The following CTDP1 variants were observed in gnomAD, a reference collection of about 807,000 sequenced individuals.
CTDP1 encodes the protein CTD phosphatase 1, also known as RNA polymerase II subunit A C-terminal domain phosphatase.
CTDP1 carries 47 observed loss-of-function variants against 91.8 expected under a neutral mutation model. The observed-to-expected ratio is 0.51, with a 90% confidence interval of 0.41 to 0.65. The LOEUF is 0.65. CTDP1 is among the 30% of genes least tolerant of loss of function. The probability of loss-of-function intolerance (pLI) is 0.00; values close to 1 mark genes in which losing one functional copy is unlikely to be tolerated. For missense variants in CTDP1, 1,272 were observed against 1,373.7 expected (o/e 0.93, Z 1.17); for synonymous variants, 656 against 598.5 (o/e 1.10, Z -1.40).
At chr18:79,685,168 A>C (rs995258897) in intron 1 of CTDP1, among the ~76,000 whole-genome samples, 3 of 152,244 alleles carry the variant, frequency 2.0e-5, no homozygotes, top group African/African-American at 7.2e-5. Context: ...TCTGTAGACC[A>C]GGTTTCAGCC....
chr18:79,710,458 T>A, intron 6 of CTDP1, 22 bp downstream of exon 6: 2 of 1,514,484 alleles, frequency 1.3e-6, no homozygotes, highest in Non-Finnish European at 1.8e-6. Context: ...GCCGCGCTCC[T>A]CACAAAGACC....
chr18:79,723,928 A>G (rs1031622640), intron 10 of CTDP1, among the ~76,000 whole-genome samples: 2 of 152,076 alleles, frequency 1.3e-5, no homozygotes, highest in Admixed American at 1.3e-4. Flanking sequence ...CCCCTCATTC[A>G]TGTCCTTCTC....
At chr18:79,737,522 CT>C (rs1230491968) in intron 12 of CTDP1, among the ~76,000 whole-genome samples, 2 of 152,174 alleles carry the variant, frequency 1.3e-5, no homozygotes, top group African/African-American at 4.8e-5. Flanking sequence ...CTCTGGATCT[CT>C]GTGCTGCTGT....
intron 6 of CTDP1, among the ~76,000 whole-genome samples, chr18:79,711,166 C>T (rs1435210116): frequency 6.6e-6 from 1 of 152,060 alleles, no homozygotes; most frequent in African/African-American, 2.4e-5. Flanking sequence ...CTGTCATCCT[C>T]TCTGCCTCAT....
At position 79,679,939 on chromosome 18, in the gene CTDP1, C is replaced by T. The variant is rs912139200; in HGVS notation, c.-9C>T. On this transcript the variant is annotated 5_prime_UTR_variant, in exon 1 of 13. Transcript: ENST00000613122. ...CCCGTACCGACCGCCCGCCCGCCCT[C>T]TGTCCGCGATGGAGGTGCCGGCCGC... The T allele has an allele frequency of 1.1e-4, 152 of 1,386,506 alleles. No individual in the cohort carries two copies. The highest frequency in any genetic ancestry group is 1.4e-4 in the Non-Finnish European group (145 of 1,066,060). The allele number at this position is 1,386,506 out of a possible 1,614,324, so 85.9% of individuals were successfully genotyped here.
intron 12 of CTDP1, among the ~76,000 whole-genome samples, 164 bp from the exon 13 acceptor site, chr18:79,753,486 CGT>C (rs1322631041): frequency 6.6e-6 from 1 of 152,252 alleles, no homozygotes; most frequent in Non-Finnish European, 1.5e-5. Flanking sequence ...GCTGTCCACA[CGT>C]GTGTGACGTG....
At chr18:79,731,463 G>A (rs1000692403) in intron 11 of CTDP1, among the ~76,000 whole-genome samples, 4 of 152,168 alleles carry the variant, frequency 2.6e-5, no homozygotes, top group Non-Finnish European at 5.9e-5. Flanking sequence ...GGGAACTCGC[G>A]CCTGGTCAGT....
At chr18:79,747,909 C>T (rs1018868045) in intron 12 of CTDP1, among the ~76,000 whole-genome samples, 2 of 152,202 alleles carry the variant, frequency 1.3e-5, no homozygotes, top group Non-Finnish European at 2.9e-5. Flanking sequence ...GATATCTTTC[C>T]GGTGCCAAAT....
At chr18:79,746,828 C>T (rs1488027180) in intron 12 of CTDP1, among the ~76,000 whole-genome samples, 3 of 152,098 alleles carry the variant, frequency 2.0e-5, no homozygotes, top group Non-Finnish European at 2.9e-5. Context: ...CCTTTGTTGC[C>T]CATTGAGACC....
At chr18:79,745,419 C>G (rs1460266199) in intron 12 of CTDP1, among the ~76,000 whole-genome samples, 1 of 6,752 alleles carries the variant, frequency 1.5e-4, no homozygotes, top group Admixed American at 1.3e-3. Context: ...CTCCCGTGCG[C>G]GTTCTGTCCC....
At chr18:79,692,404 T>C (rs751615478) in intron 1 of CTDP1, among the ~76,000 whole-genome samples, 26 of 152,140 alleles carry the variant, frequency 1.7e-4, no homozygotes, top group Non-Finnish European at 3.7e-4. Flanking sequence ...AGTCAGGTAG[T>C]AAAAGTTCTC....
chr18:79,731,330 G>A (rs542088468), intron 11 of CTDP1, among the ~76,000 whole-genome samples: 13 of 152,316 alleles, frequency 8.5e-5, no homozygotes, highest in African/African-American at 3.1e-4. Flanking sequence ...GGTAGAGGAA[G>A]GGTCTCCACG....
intron 11 of CTDP1, 63 bp from the exon 12 acceptor site, chr18:79,736,292 G>A (rs940274571): frequency 1.9e-6 from 3 of 1,546,116 alleles, no homozygotes; most frequent in Admixed American, 2.0e-5. Flanking sequence ...GCCGGGAGAA[G>A]CCTGTTGCGG....
chr18:79,748,898 CGTGTCTGTGTGTG>C (rs1367124521), intron 12 of CTDP1, among the ~76,000 whole-genome samples: 2 of 113,662 alleles, frequency 1.8e-5, no homozygotes, highest in East Asian at 2.9e-4. Context: ...GTGTGTTTGC[CGTGTCTGTGTGTG>C]AGCCGTGTCT....
chr18:79,755,752 C>T (rs2087084342), downstream of CTDP1: 1 of 152,396 alleles, frequency 6.6e-6, no homozygotes, highest in African/African-American at 2.4e-5. Flanking sequence ...TCTGCAAGGC[C>T]TCCTTAAACA....
chr18:79,746,701 T>C (rs1376452498), intron 12 of CTDP1, among the ~76,000 whole-genome samples: 2 of 152,178 alleles, frequency 1.3e-5, no homozygotes, highest in Middle Eastern at 3.2e-3. Context: ...ACTGGAAGCT[T>C]GAACTCCTGG....
intron 10 of CTDP1, among the ~76,000 whole-genome samples, chr18:79,724,796 C>T (rs2086412407): frequency 6.6e-6 from 1 of 152,184 alleles, no homozygotes; most frequent in Non-Finnish European, 1.5e-5. Flanking sequence ...CCTAAAAGTT[C>T]TATAGTCTTT....
At chr18:79,702,518 C>T (rs975457253) in intron 4 of CTDP1, among the ~76,000 whole-genome samples, 5 of 152,164 alleles carry the variant, frequency 3.3e-5, no homozygotes, top group East Asian at 3.9e-4. Context: ...GGACTACAGG[C>T]GTGTACCACC....
Position 79,752,262 on chromosome 18 carries a change from C to G in CTDP1, c.2748-1390C>G, listed in dbSNP as rs1268318. Among the ~76,000 whole-genome samples, 277 of 128,994 alleles carry G rather than the reference C, an allele frequency of 2.1e-3. 2 individuals are homozygous for G. The highest frequency in any genetic ancestry group is 5.9e-3 in the African/African-American group (204 of 34,792). 84.6% of individuals were successfully genotyped at this position (128,994 alleles called of 152,430 possible). ...GCACCGGCTGGTTATGCAGAGGCTC[C>G]TAAGGAAAGCCTAGTGGCACCGGCT... On this transcript the variant is annotated intron_variant, in intron 12 of 12. Coordinates refer to ENST00000613122, the MANE Select transcript of CTDP1 (RefSeq NM_004715.5).
Sources: allele counts gnomAD v4.1 joint callset (sites outside exome capture counted in the v4.1 genomes callset), GRCh38; gene constraint gnomAD v4.1.1; transcripts MANE v1.5; gene names NCBI Gene and HGNC (gene_info 2026-07-23, HGNC 2026-07-21).